ATOH8: variants seen among roughly 807,000 people sequenced by gnomAD.
ATOH8 encodes the protein transcription factor ATOH8.
In ATOH8, 9 loss-of-function variants were observed where a neutral mutation model predicts 21.2. That is an observed-to-expected ratio of 0.42 (90% CI 0.26 to 0.74). ATOH8 has a LOEUF of 0.74. Among genes scored for constraint, ATOH8 ranks in the 30% least tolerant of loss-of-function variants. The probability of loss-of-function intolerance (pLI) is 0.24; values close to 1 mark genes in which losing one functional copy is unlikely to be tolerated. For missense variants in ATOH8, 524 were observed against 470.9 expected (o/e 1.11, Z -1.04); for synonymous variants, 253 against 224.0 (o/e 1.13, Z -1.16).
chr2:85,787,625 C>G lies in ATOH8; in HGVS notation c.*735C>G, dbSNP rs977741086. ...AAGCAGGGAGAGAAGCAATATTACTCCCTCCCCTACACCAGGGACTTGCCC... is the reference window on the plus strand; with the variant it reads ...AAGCAGGGAGAGAAGCAATATTACTGCCTCCCCTACACCAGGGACTTGCCC... On this transcript the variant is annotated 3_prime_UTR_variant, in exon 3 of 3. Coordinates refer to ENST00000306279, the MANE Select transcript of ATOH8 (RefSeq NM_032827.7). The G allele has an allele frequency of 2.6e-5, 4 of 152,780 alleles. No individual in the cohort carries two copies. The highest frequency in any genetic ancestry group is 9.6e-5 in the African/African-American group (4 of 41,454). The allele number at this position is 152,780 out of a possible 1,614,324, so 9.5% of individuals were successfully genotyped here.
At chr2:85,770,476 C>G (rs1449256941) in intron 2 of ATOH8, among the ~76,000 whole-genome samples, 1 of 152,254 alleles carries the variant, frequency 6.6e-6, no homozygotes, top group African/African-American at 2.4e-5. Flanking sequence ...ATCAAATTCC[C>G]AACTAGCCAT....
At chr2:85,767,559 CTCT>C in intron 2 of ATOH8, among the ~76,000 whole-genome samples, 5 of 109,168 alleles carry the variant, frequency 4.6e-5, no homozygotes, top group Non-Finnish European at 4.2e-5. Flanking sequence ...TTGGTATTCC[CTCT>C]TCCCCTCCCC....
rs573058692 is a variant in ATOH8 at position 85,791,048 on chromosome 2, G to C, written c.*4158G>C. On this transcript the variant is annotated 3_prime_UTR_variant, in exon 3 of 3. Transcript: ENST00000306279. ...TGTTTCCTGGTTCCAGGAAGACAGCGGGGCACAGGGTCCCTGCTTTGTGAG... is the reference window on the plus strand; with the variant it reads ...TGTTTCCTGGTTCCAGGAAGACAGCCGGGCACAGGGTCCCTGCTTTGTGAG... Among the ~76,000 whole-genome samples the C allele has an allele frequency of 1.3e-5, 2 of 152,280 alleles. No individual in the cohort carries two copies. Among genetic ancestry groups the C allele is most frequent in the Admixed American group, 1.3e-4 (2 of 15,304 alleles).
Position 85,787,093 on chromosome 2 carries a change from G to T in ATOH8, c.*203G>T. ...CACCCAGCCAATCCGAGGCTGCTTC[G>T]CACTTTGCCCTCTGCCTGGTGGGGA... On this transcript the variant is annotated 3_prime_UTR_variant, in exon 3 of 3. Transcript: ENST00000306279. The T allele has an allele frequency of 1.6e-6, 1 of 637,840 alleles. No individual in the cohort carries two copies. The highest frequency in any genetic ancestry group is 2.7e-6 in the Non-Finnish European group (1 of 373,056). 39.5% of individuals were successfully genotyped at this position (637,840 alleles called of 1,614,324 possible). A position where few individuals can be genotyped will look rare whatever the true frequency, so the allele number is the denominator to read the frequency against.
At chr2:85,769,436 G>A (rs770859741) in intron 2 of ATOH8, among the ~76,000 whole-genome samples, 2 of 152,228 alleles carry the variant, frequency 1.3e-5, no homozygotes, top group African/African-American at 2.4e-5. Flanking sequence ...GGCGGGGTCT[G>A]CAGGGCTGGG....
At position 85,754,477 on chromosome 2, in the gene ATOH8, CG is replaced by C. The variant is rs1169952443; in HGVS notation, c.293del (p.Gly98AlafsTer17). ...GGGGCACGGACACAGCCGGGGAGCG[CG>C]GGGGCTCTCGGGCGCCCGAGGTCTC... ...RGGTDTAGER[G>X]GSRAPEVSDA... On this transcript the variant is annotated frameshift_variant, in exon 1 of 3. Coordinates refer to ENST00000306279, the MANE Select transcript of ATOH8 (RefSeq NM_032827.7). LOFTEE classifies it high-confidence loss of function. 1 of 1,447,762 alleles carries C rather than the reference CG, an allele frequency of 6.9e-7. No homozygotes were observed. The allele number at this position is 1,447,762 out of a possible 1,614,324, so 89.7% of individuals were successfully genotyped here.
Position 85,754,739 on chromosome 2 carries a change from C to A in ATOH8, c.550C>A (p.Pro184Thr), listed in dbSNP as rs751905216. The A allele has an allele frequency of 1.6e-5, 25 of 1,612,578 alleles. No homozygotes were observed. Among genetic ancestry groups the A allele is most frequent in the African/African-American group, 1.5e-4 (11 of 74,938 alleles). The change falls in exon 1 of 3, where the codon CCG (proline) becomes ACG (threonine). Residue 184 changes from proline (P) to threonine (T), a missense_variant. Coordinates refer to ENST00000306279, the MANE Select transcript of ATOH8 (RefSeq NM_032827.7). ...GGAGTCCACTGTGCGCCCTGCGCCCCCGACGCGCCCCGGGGAAAGTTCCTA... is the reference window on the plus strand; with the variant it reads ...GGAGTCCACTGTGCGCCCTGCGCCCACGACGCGCCCCGGGGAAAGTTCCTA... ...PPESTVRPAP[P>T]TRPGESSYSS...
intron 2 of ATOH8, among the ~76,000 whole-genome samples, chr2:85,770,736 C>T (rs541236899): frequency 6.6e-6 from 1 of 152,242 alleles, no homozygotes; most frequent in Admixed American, 6.5e-5. Flanking sequence ...CGAGGCGAGG[C>T]GCAGGGAAAG....
chr2:85,785,619 G>A lies in ATOH8; in HGVS notation c.961-1266G>A, dbSNP rs1286304664. On this transcript the variant is annotated intron_variant, in intron 2 of 2. Coordinates refer to ENST00000306279, the MANE Select transcript of ATOH8 (RefSeq NM_032827.7). This position sits in a 1 kb window ranked among gnomAD's most constrained non-coding sequence, Gnocchi z 4.1. Reference sequence around the variant, plus strand: ...CACGTCGTGGTTTGGCTCCATCCTGGCTCCCCAAGCCTCTGTCTCAGTGAG... The same window carrying A: ...CACGTCGTGGTTTGGCTCCATCCTGACTCCCCAAGCCTCTGTCTCAGTGAG... Among the ~76,000 whole-genome samples the A allele has an allele frequency of 6.6e-6, 1 of 152,140 alleles. No homozygotes were observed. The highest frequency in any genetic ancestry group is 1.9e-4 in the East Asian group (1 of 5,172).
chr2:85,763,724 A>C (rs4832195), intron 1 of ATOH8, among the ~76,000 whole-genome samples: 1 of 152,068 alleles, frequency 6.6e-6, no homozygotes, highest in Admixed American at 6.5e-5. Flanking sequence ...AATTCACTGA[A>C]CTTAGATTCA....
At chr2:85,771,685 G>A (rs1573530953) in intron 2 of ATOH8, among the ~76,000 whole-genome samples, 1 of 152,300 alleles carries the variant, frequency 6.6e-6, no homozygotes, top group East Asian at 1.9e-4. Context: ...CAAGAAACAT[G>A]CATAACATGT....
rs1403134511 is a variant in ATOH8, at chr2:85,754,717, G to C, written c.528G>C (p.Glu176Asp). ...CCCCAGCACCGCCAGCGCCCCCGGA[G>C]TCCACTGTGCGCCCTGCGCCCCCGA... ...SAPPAPPAPP[E>D]STVRPAPPTR... The change falls in exon 1 of 3, where the codon GAG becomes GAC. Residue 176 changes from glutamate (E) to aspartate (D), a missense_variant. By Grantham distance (45) the Glu-to-Asp change is conservative (BLOSUM62 2). Transcript: ENST00000306279. The C allele has an allele frequency of 5.6e-6, 9 of 1,611,538 alleles. No individual in the cohort carries two copies. Among genetic ancestry groups the C allele is most frequent in the Non-Finnish European group, 7.6e-6 (9 of 1,179,328 alleles).
intron 2 of ATOH8, chr2:85,774,524 C>G (rs1380076142): frequency 2.0e-6 from 2 of 985,358 alleles, no homozygotes; most frequent in Non-Finnish European, 2.4e-6. Context: ...GAGCCATTCT[C>G]TCCTTTAACA....
intron 2 of ATOH8, chr2:85,772,495 G>A (rs1680212524): frequency 2.9e-6 from 1 of 347,682 alleles, no homozygotes; most frequent in South Asian, 2.2e-5. Flanking sequence ...CAGAGGGCAG[G>A]GAAAGCACGC....
At chr2:85,774,321 C>T (rs1022527181) in intron 2 of ATOH8, 1 of 985,532 alleles carries the variant, frequency 1.0e-6, no homozygotes, top group African/African-American at 1.7e-5. Context: ...GCCCACTGCT[C>T]AGCCTTGAGC....
intron 2 of ATOH8, among the ~76,000 whole-genome samples, chr2:85,777,696 T>G (rs1252697432): frequency 6.6e-6 from 1 of 152,240 alleles, no homozygotes; most frequent in African/African-American, 2.4e-5. Context: ...CAGGGAAGTC[T>G]GCTTCTGTGC....
chr2:85,781,685 G>A (rs1680498992), intron 2 of ATOH8, among the ~76,000 whole-genome samples: 1 of 152,164 alleles, frequency 6.6e-6, no homozygotes, highest in South Asian at 2.1e-4. Context: ...AGACCAGCCT[G>A]GGCAACAAAG....
rs531508114 is a variant in ATOH8 at position 85,775,763 on chromosome 2, C to A, written c.961-11122C>A. Among the ~76,000 whole-genome samples the A allele has an allele frequency of 2.0e-5, 3 of 152,302 alleles. No homozygotes were observed. In the East Asian group the frequency reaches 5.8e-4, roughly 29 times the overall value. ...ATGCTCCCCTCGAACCCGAGAAAAA[C>A]ATCAAGGTCTGTCAGCTGGGAGGGC... is the stretch of plus-strand genomic sequence containing the variant. On this transcript the variant is annotated intron_variant, in intron 2 of 2. Coordinates refer to ENST00000306279, the MANE Select transcript of ATOH8 (RefSeq NM_032827.7).
intron 1 of ATOH8, among the ~76,000 whole-genome samples, chr2:85,758,230 A>G (rs569884718): frequency 1.6e-3 from 247 of 152,376 alleles, no homozygotes; most frequent in African/African-American, 5.6e-3. Flanking sequence ...TGTGCCAGGC[A>G]TGGTGCTAAG....
Sources: allele counts gnomAD v4.1 joint callset (sites outside exome capture counted in the v4.1 genomes callset), GRCh38; gene constraint gnomAD v4.1.1; non-coding constraint Gnocchi (gnomAD v3.1); transcripts MANE v1.5; gene names NCBI Gene and HGNC (gene_info 2026-07-23, HGNC 2026-07-21).